Variants in NCKAP5 observed in about 807,000 individuals in gnomAD.
NCKAP5 encodes the protein NCK associated protein 5, also known as nck-associated protein 5.
NCKAP5 carries 92 observed loss-of-function variants against 167.0 expected under a neutral mutation model. The observed-to-expected ratio is 0.55, with a 90% CI of 0.47 to 0.66. The LOEUF (loss-of-function observed/expected upper bound fraction) is 0.66, where lower values mean the gene tolerates loss of function less well. Ranked by LOEUF, NCKAP5 falls within the 30% of genes least tolerant of loss-of-function variation. NCKAP5 has a pLI of 0.00. For synonymous variants in NCKAP5, 891 were observed against 877.4 expected, an observed-to-expected ratio of 1.02 and a Z score of -0.27; for missense variants, 2,378 against 2,315.0, an observed-to-expected ratio of 1.03 and a Z score of -0.56.
intron 4 of NCKAP5, among the ~76,000 whole-genome samples, chr2:133,264,248 A>T (rs2089065893): frequency 6.6e-6 from 1 of 152,254 alleles, no homozygotes; most frequent in South Asian, 2.1e-4. Flanking sequence ...GATGATTTGC[A>T]ATATTTTTCT....
intron 7 of NCKAP5, among the ~76,000 whole-genome samples, chr2:132,966,348 C>T (rs565660904): frequency 2.7e-4 from 41 of 152,306 alleles, no homozygotes; most frequent in African/African-American, 9.9e-4. Context: ...GATCCACCCT[C>T]CTCAGCCTCC....
intron 3 of NCKAP5, among the ~76,000 whole-genome samples, chr2:133,350,896 C>G (rs1684317048): frequency 6.6e-6 from 1 of 152,084 alleles, no homozygotes; most frequent in Non-Finnish European, 1.5e-5. Flanking sequence ...CCCTCTCTCT[C>G]CTTCCCCCTT....
At chr2:133,057,580 A>G (rs986109900) in intron 6 of NCKAP5, among the ~76,000 whole-genome samples, 3 of 152,234 alleles carry the variant, frequency 2.0e-5, no homozygotes, top group African/African-American at 7.2e-5. Context: ...AGCCTGCAGC[A>G]AGACCTTAAC....
rs1161132297 is a variant in NCKAP5, at chr2:132,811,203, T to C, written c.808-14474A>G. Among the ~76,000 whole-genome samples, 3 of 152,282 alleles carry C rather than the reference T, an allele frequency of 2.0e-5. No homozygotes were observed. In the East Asian group the frequency reaches 5.8e-4, roughly 29 times the overall value. On this transcript the variant is annotated intron_variant, in intron 11 of 19. Coordinates refer to ENST00000409261, the MANE Select transcript of NCKAP5 (RefSeq NM_207363.3). ...AATGCAGTGGACTCCATGAGGGTCCTTGGCTTTGGTGGCTTAATGTTCTAT... is the reference window on the plus strand; with the variant it reads ...AATGCAGTGGACTCCATGAGGGTCCCTGGCTTTGGTGGCTTAATGTTCTAT...
chr2:132,723,901 TAA>T (rs1690192981), intron 19 of NCKAP5, among the ~76,000 whole-genome samples: 1 of 152,214 alleles, frequency 6.6e-6, no homozygotes, highest in African/African-American at 2.4e-5. Context: ...TCCTGGGCTT[TAA>T]GTCATCCAAA....
At position 132,728,963 on chromosome 2, in the gene NCKAP5, A is replaced by G. The variant is rs767504348; in HGVS notation, c.5444-11T>C. The stretch of plus-strand genomic sequence containing the variant: ...GGGAACTGACTTTTCCTAAATGAGG[A>G]CACGTATGTGGAATCACATATCACC... On this transcript the variant is annotated splice_polypyrimidine_tract_variant and intron_variant, in intron 17 of 19. Transcript: ENST00000409261. The G allele has an allele frequency of 1.9e-6, 3 of 1,613,904 alleles. No homozygotes were observed. Among genetic ancestry groups the G allele is most frequent in the South Asian group, 1.1e-5 (1 of 91,056 alleles).
chr2:133,278,954 C>T (rs1159693984), intron 4 of NCKAP5, among the ~76,000 whole-genome samples: 2 of 152,150 alleles, frequency 1.3e-5, no homozygotes, highest in East Asian at 1.9e-4. Flanking sequence ...TTTTAAACTA[C>T]GCTGAGATAC....
chr2:132,772,624 T>C (rs1032371788), intron 16 of NCKAP5, among the ~76,000 whole-genome samples: 1 of 152,222 alleles, frequency 6.6e-6, no homozygotes, highest in African/African-American at 2.4e-5. Flanking sequence ...GCAGAACTGA[T>C]ACCAATTTAA....
chr2:133,358,038 T>C (rs1684856635), intron 3 of NCKAP5, among the ~76,000 whole-genome samples: 1 of 152,302 alleles, frequency 6.6e-6, no homozygotes, highest in South Asian at 2.1e-4. Context: ...TGTCTTCCCC[T>C]TGTGACTCCT....
chr2:133,006,570 T>A (rs1256247480), intron 6 of NCKAP5, among the ~76,000 whole-genome samples: 1 of 152,206 alleles, frequency 6.6e-6, no homozygotes, highest in Non-Finnish European at 1.5e-5. Flanking sequence ...GCAAACTCAC[T>A]CTAAATCTGA....
intron 5 of NCKAP5, among the ~76,000 whole-genome samples, chr2:133,156,474 T>C (rs944095418): frequency 1.3e-5 from 2 of 152,162 alleles, no homozygotes; most frequent in Non-Finnish European, 2.9e-5. Context: ...AGAAAACAAA[T>C]AAATTAAAAT....
In NCKAP5 at chr2:132,959,055, AT is replaced by A. The variant is rs1558990352; in HGVS notation, c.579+4664del. The stretch of plus-strand genomic sequence containing the variant: ...ACTATTATTAAATATTATATTATTT[AT>A]ATATAAATATATTAATAATATATTA... On this transcript the variant is annotated intron_variant, in intron 8 of 19. Transcript: ENST00000409261. Among the ~76,000 whole-genome samples the A allele has an allele frequency of 9.5e-5, 14 of 147,104 alleles. No individual in the cohort carries two copies. The East Asian group carries it at 1.6e-3, about 16-fold the overall frequency.
intron 16 of NCKAP5, among the ~76,000 whole-genome samples, chr2:132,741,604 T>A (rs1421849015): frequency 1.3e-5 from 2 of 152,104 alleles, no homozygotes; most frequent in Admixed American, 6.6e-5. Context: ...GATTACCACT[T>A]AACCACTTCT....
At chr2:133,632,273 A>C in the NCKAP5 span, among the ~76,000 whole-genome samples, 3 of 152,248 alleles carry the variant, frequency 2.0e-5, no homozygotes, top group Non-Finnish European at 4.4e-5. Context: ...TTGGGGACTC[A>C]AGTTAGCATA....
At chr2:133,567,895 G>A (rs1688683237) in intron 1 of NCKAP5, among the ~76,000 whole-genome samples, 1 of 152,032 alleles carries the variant, frequency 6.6e-6, no homozygotes, top group Admixed American at 6.5e-5. Flanking sequence ...TTGGTTGGTT[G>A]TATCTCTTTA....
Position 132,782,060 on chromosome 2 carries a change from CT to C in NCKAP5, c.4750del (p.Ser1584AlafsTer15), listed in dbSNP as rs1249560611. ...SADNPDGGLQ[S>X]KNNRRTPQDI... ...TTGTGGTGTTCTCCGATTATTTTTGCTTTGTAAACCGCCATCTGGATTATCT... is the reference window on the plus strand; with the variant it reads ...TTGTGGTGTTCTCCGATTATTTTTGCTTGTAAACCGCCATCTGGATTATCT... On this transcript the variant is annotated frameshift_variant, in exon 14 of 20. Coordinates refer to ENST00000409261, the MANE Select transcript of NCKAP5 (RefSeq NM_207363.3). LOFTEE classifies it high-confidence loss of function. 6.2e-7 allele frequency: 1 copy of C among 1,613,998 alleles called. No homozygotes were observed. The highest frequency in any genetic ancestry group is 1.1e-5 in the South Asian group (1 of 91,088).
Position 133,526,254 on chromosome 2 carries a change from AGGGAG to A in NCKAP5, c.-61-8672_-61-8668del, listed in dbSNP as rs1344090833. 1.7e-4 allele frequency among the ~76,000 whole-genome samples: 10 copies of A among 59,630 alleles called. 1 individual carries two copies. Among genetic ancestry groups the A allele is most frequent in the African/African-American group, 6.7e-4 (10 of 14,966 alleles). 39.1% of individuals were successfully genotyped at this position (59,630 alleles called of 152,430 possible). A position where few individuals can be genotyped will look rare whatever the true frequency, so the allele number is the denominator to read the frequency against. ...AAGGAAAGGAGGGAGGGAAGGAGGGAGGGAGGGAAGGAGGGAGGGAGGGAAGGAGG... is the reference window on the plus strand; with the variant it reads ...AAGGAAAGGAGGGAGGGAAGGAGGGAGGAAGGAGGGAGGGAGGGAAGGAGG... On this transcript the variant is annotated intron_variant, in intron 2 of 19. Coordinates refer to ENST00000409261, the MANE Select transcript of NCKAP5 (RefSeq NM_207363.3).
the NCKAP5 span, among the ~76,000 whole-genome samples, chr2:133,604,562 T>C: frequency 2.0e-5 from 3 of 152,036 alleles, no homozygotes; most frequent in Non-Finnish European, 2.9e-5. Flanking sequence ...TTTATTCTCT[T>C]TCCCCTTGTC....
At chr2:133,607,477 C>A in the NCKAP5 span, among the ~76,000 whole-genome samples, 185 of 152,280 alleles carry the variant, frequency 1.2e-3, no homozygotes, top group Admixed American at 3.1e-3. Context: ...ACTCAAGAAT[C>A]AATTAGGTCT....
Sources: gnomAD v4.1 joint callset for allele counts (sites outside exome capture counted in the v4.1 genomes callset) on GRCh38, gnomAD v4.1.1 for gene constraint, MANE v1.5 for transcripts, NCBI Gene and HGNC (gene_info 2026-07-23, HGNC 2026-07-21) for gene names.